The following CTNNA2 variants were observed in gnomAD, a reference collection of about 807,000 sequenced individuals.
CTNNA2 encodes catenin alpha-2.
CTNNA2 carries 42 observed loss-of-function variants against 101.0 expected under a neutral mutation model. The observed-to-expected ratio is 0.42, with a 90% confidence interval of 0.32 to 0.54. The LOEUF is 0.54. CTNNA2 is among the 20% of genes least tolerant of loss of function. CTNNA2 has a pLI of 0.14. For missense variants in CTNNA2, 871 were observed against 1,223.1 expected, an observed-to-expected ratio of 0.71 and a Z score of 4.29; for synonymous variants, 450 against 456.4, an observed-to-expected ratio of 0.99 and a Z score of 0.18.
chr2:79,214,214 T>TGCG, intron 2 of CTNNA2, among the ~76,000 whole-genome samples: 4 of 152,184 alleles, frequency 2.6e-5, no homozygotes, highest in Admixed American at 2.6e-4. Flanking sequence ...TGTGAAGCTT[T>TGCG]GCAGCAGTAT....
At chr2:80,200,071 C>T (rs572598185) in intron 7 of CTNNA2, among the ~76,000 whole-genome samples, 1 of 152,330 alleles carries the variant, frequency 6.6e-6, no homozygotes, top group South Asian at 2.1e-4. Flanking sequence ...AGTTCACTAT[C>T]CTTGGCTACC....
intron 9 of CTNNA2, among the ~76,000 whole-genome samples, chr2:80,463,329 A>G (rs1684603380): frequency 6.6e-6 from 1 of 152,214 alleles, no homozygotes; most frequent in African/African-American, 2.4e-5. Context: ...CACTACGTCT[A>G]ACTTCCTTTG....
intron 1 of CTNNA2, among the ~76,000 whole-genome samples, chr2:79,566,957 A>C (rs1049211875): frequency 1.3e-5 from 2 of 152,190 alleles, no homozygotes; most frequent in Non-Finnish European, 2.9e-5. Context: ...TAAAATATCA[A>C]ATGTTCAACG....
chr2:80,578,351 G>T (rs535930937), intron 13 of CTNNA2, among the ~76,000 whole-genome samples: 2 of 152,080 alleles, frequency 1.3e-5, no homozygotes, highest in African/African-American at 4.8e-5. Context: ...CCAGTACAGC[G>T]AACTGTTTAT....
intron 17 of CTNNA2, among the ~76,000 whole-genome samples, chr2:80,609,129 T>C (rs926469747): frequency 6.6e-6 from 1 of 151,746 alleles, no homozygotes; most frequent in Non-Finnish European, 1.5e-5. Context: ...ACCTTAGTTC[T>C]TTTCCCAGTC....
intron 7 of CTNNA2, among the ~76,000 whole-genome samples, chr2:80,182,285 G>A (rs756827464): frequency 1.3e-5 from 2 of 152,166 alleles, no homozygotes; most frequent in Non-Finnish European, 2.9e-5. Flanking sequence ...TTGAGGGCAG[G>A]AAGCATCCAG....
At chr2:80,313,428 C>G in intron 7 of CTNNA2, 1 of 1,476,448 alleles carries the variant, frequency 6.8e-7, no homozygotes, top group Non-Finnish European at 9.0e-7. Flanking sequence ...GTTCACAGTT[C>G]TGGAGTGGAG....
chr2:79,961,550 T>C (rs930943724), intron 7 of CTNNA2, among the ~76,000 whole-genome samples: 1 of 152,176 alleles, frequency 6.6e-6, no homozygotes, highest in Non-Finnish European at 1.5e-5. Context: ...CGGCCTGGCG[T>C]GGTGGCTCAC....
chr2:80,153,347 T>A (rs1413497606), intron 7 of CTNNA2, among the ~76,000 whole-genome samples: 2 of 152,198 alleles, frequency 1.3e-5, no homozygotes, highest in African/African-American at 2.4e-5. Context: ...ACTTCAGAGC[T>A]AAGAAAGAAG....
chr2:80,088,380 C>T lies in CTNNA2; in HGVS notation c.1056+178583C>T, dbSNP rs58988205. 3.5e-3 allele frequency among the ~76,000 whole-genome samples: 531 copies of T among 152,116 alleles called. 3 individuals carry two copies. Among genetic ancestry groups the T allele is most frequent in the African/African-American group, 0.012 (508 of 41,518 alleles). On this transcript the variant is annotated intron_variant, in intron 7 of 18. Coordinates refer to ENST00000402739, the MANE Select transcript of CTNNA2 (RefSeq NM_001282597.3). ...CTGGAATTAAAGCCCAGCCTCCGAA[C>T]CTCACTGCTACCCTTCCTGTTGACA...
At chr2:80,251,329 A>G (rs945734657) in intron 7 of CTNNA2, among the ~76,000 whole-genome samples, 1 of 152,198 alleles carries the variant, frequency 6.6e-6, no homozygotes, top group Non-Finnish European at 1.5e-5. Context: ...AATTGGTACC[A>G]TATAGTGAGT....
At chr2:79,414,366 G>C (rs1011883678) in intron 4 of CTNNA2, among the ~76,000 whole-genome samples, 1 of 151,914 alleles carries the variant, frequency 6.6e-6, no homozygotes, top group Non-Finnish European at 1.5e-5. Flanking sequence ...ATCAAAAAAC[G>C]AGGAGTAATG....
At chr2:79,804,459 A>C (rs1241386809) in intron 3 of CTNNA2, among the ~76,000 whole-genome samples, 1 of 152,168 alleles carries the variant, frequency 6.6e-6, no homozygotes, top group African/African-American at 2.4e-5. Flanking sequence ...ATAAAAGAAA[A>C]TATATAGTTC....
At chr2:80,396,667 A>G (rs1678042539) in intron 8 of CTNNA2, among the ~76,000 whole-genome samples, 1 of 152,214 alleles carries the variant, frequency 6.6e-6, no homozygotes, top group Admixed American at 6.5e-5. Flanking sequence ...TTGATTCTGA[A>G]TATTATTTTT....
chr2:80,325,131 G>A (rs903835132), intron 7 of CTNNA2, among the ~76,000 whole-genome samples: 1 of 152,090 alleles, frequency 6.6e-6, no homozygotes, highest in Non-Finnish European at 1.5e-5. Flanking sequence ...TATGTCAAAT[G>A]AATAAATGAA....
rs188316715 is a variant in CTNNA2, at chr2:80,097,012, G to A, written c.1056+187215G>A. 2.7e-3 allele frequency among the ~76,000 whole-genome samples: 411 copies of A among 152,172 alleles called. 3 individuals carry two copies. The highest frequency in any genetic ancestry group is 9.0e-3 in the African/African-American group (375 of 41,510). ...GAGCATTTAGCCCATTTACATTTAA[G>A]GTTAATATTGTTATGTGTGAATTTG... On this transcript the variant is annotated intron_variant, in intron 7 of 18. Transcript: ENST00000402739.
chr2:79,719,130 A>G (rs899084002), intron 2 of CTNNA2, among the ~76,000 whole-genome samples: 5 of 152,130 alleles, frequency 3.3e-5, no homozygotes, highest in East Asian at 1.9e-4. Flanking sequence ...CTTATAAGTG[A>G]GAACATGCAG....
At chr2:80,210,321 G>A (rs770496045) in intron 7 of CTNNA2, among the ~76,000 whole-genome samples, 18 of 152,106 alleles carry the variant, frequency 1.2e-4, no homozygotes, top group Middle Eastern at 3.4e-3. Flanking sequence ...CCATTAACTC[G>A]TCATTTATAT....
intron 4 of CTNNA2, among the ~76,000 whole-genome samples, chr2:79,498,539 C>T (rs1671283362): frequency 6.6e-6 from 1 of 152,172 alleles, no homozygotes; most frequent in African/African-American, 2.4e-5. Flanking sequence ...TGTTTGCTGT[C>T]CATTCCTTTG....
Sources: gnomAD v4.1 joint callset for allele counts (sites outside exome capture counted in the v4.1 genomes callset) on GRCh38, gnomAD v4.1.1 for gene constraint, MANE v1.5 for transcripts, NCBI Gene and HGNC (gene_info 2026-07-23, HGNC 2026-07-21) for gene names.